DNAJB1: variants seen among roughly 807,000 people sequenced by gnomAD.
The protein encoded by DNAJB1 is DnaJ heat shock protein family (Hsp40) member B1, also known as dnaJ homolog subfamily B member 1.
DNAJB1 carries 14 observed loss-of-function variants against 24.0 expected under a neutral mutation model. The ratio of observed to expected loss-of-function variants is 0.58; its 90% confidence interval spans 0.39 to 0.91. The LOEUF (loss-of-function observed/expected upper bound fraction) is 0.91. DNAJB1 is among the 40% of genes least tolerant of loss of function. DNAJB1 has a pLI of 0.00. For synonymous variants in DNAJB1, 262 were observed against 174.4 expected (o/e 1.50, Z -3.96); for missense variants, 517 against 458.1 (o/e 1.13, Z -1.17).
At chr19:14,555,438 CTT>C (rs747503834) in intron 1 of DNAJB1, among the ~76,000 whole-genome samples, 106 of 92,858 alleles carry the variant, frequency 1.1e-3, no homozygotes, top group African/African-American at 3.6e-3. Context: ...TTTATTTATT[CTT>C]TTTTTTTTTT....
intron 1 of DNAJB1, among the ~76,000 whole-genome samples, chr19:14,559,486 C>G (rs2073840774): frequency 6.6e-6 from 1 of 152,070 alleles, no homozygotes; most frequent in African/African-American, 2.4e-5. Context: ...ATTTAACTTT[C>G]TTACTTAGAA....
chr19:14,527,758 A>C (rs2072458847), exon 2 of DNAJB1: 1 of 152,272 alleles, frequency 6.6e-6, no homozygotes, highest in Admixed American at 6.5e-5. Context: ...CTCTCATGAC[A>C]GGCCTGTGAA....
rs1459727711 is a variant in DNAJB1, at chr19:14,516,144, G to C, written c.819C>G (p.Val273=). The C allele has an allele frequency of 6.2e-7, 1 of 1,613,308 alleles. No individual in the cohort carries two copies. Among genetic ancestry groups the C allele is most frequent in the Non-Finnish European group, 8.5e-7 (1 of 1,179,896 alleles). The stretch of plus-strand genomic sequence containing the variant: ...GTATCGTCCTGCCGTCCAGAGTGGG[G>C]ACGTTCACTGTGCAGCCACACAGAG... ...REALCGCTVN[V]PTLDGRTIPV... The change falls in exon 3 of 3, where the codon GTC becomes GTG. Residue 273 remains valine (V), a synonymous_variant. Coordinates refer to ENST00000254322, the MANE Select transcript of DNAJB1 (RefSeq NM_006145.3).
intron 1 of DNAJB1, chr19:14,527,844 G>A (rs527857411): frequency 2.0e-5 from 3 of 152,208 alleles, no homozygotes; most frequent in Non-Finnish European, 4.4e-5. Flanking sequence ...AGGTGAAGAA[G>A]TGTGCCAGGT....
intron 1 of DNAJB1, among the ~76,000 whole-genome samples, chr19:14,558,781 G>C (rs1299141741): frequency 6.6e-6 from 1 of 152,030 alleles, no homozygotes; most frequent in Non-Finnish European, 1.5e-5. Flanking sequence ...CCTCCGAGTG[G>C]CTCCGTGGGC....
At chr19:14,541,432 G>T (rs898673582) in intron 1 of DNAJB1, among the ~76,000 whole-genome samples, 10 of 152,232 alleles carry the variant, frequency 6.6e-5, no homozygotes, top group Non-Finnish European at 1.2e-4. Flanking sequence ...CAGGTTGTGG[G>T]CAGGTCCTGC....
intron 1 of DNAJB1, chr19:14,517,790 G>C (rs1305551771): frequency 4.6e-6 from 1 of 218,648 alleles, no homozygotes; most frequent in Non-Finnish European, 9.0e-6. Flanking sequence ...CCGAGCCCAG[G>C]TGAGCCCGGG....
chr19:14,521,893 AT>A (rs1219183080), upstream of DNAJB1, among the ~76,000 whole-genome samples: 2 of 151,924 alleles, frequency 1.3e-5, no homozygotes, highest in Non-Finnish European at 2.9e-5. Flanking sequence ...AGGTGCTGGG[AT>A]TACAGGCGTG....
chr19:14,516,381 C>T, intron 2 of DNAJB1, 85 bp downstream of exon 2: 1 of 1,457,282 alleles, frequency 6.9e-7, no homozygotes, highest in Non-Finnish European at 9.4e-7. Context: ...CACCACACAC[C>T]CCAACACATT....
upstream of DNAJB1, among the ~76,000 whole-genome samples, chr19:14,552,565 G>A (rs183342804): frequency 7.0e-6 from 1 of 142,630 alleles, no homozygotes; most frequent in East Asian, 2.1e-4. Context: ...GAGGAGTCTC[G>A]TTCTGTCGCC....
upstream of DNAJB1, among the ~76,000 whole-genome samples, chr19:14,552,289 C>T (rs964107097): frequency 6.6e-6 from 1 of 151,356 alleles, no homozygotes; most frequent in African/African-American, 2.4e-5. Context: ...CCAGTCTGGC[C>T]TCCCAAACTG....
intron 2 of DNAJB1, among the ~76,000 whole-genome samples, chr19:14,525,765 A>G (rs1599387299): frequency 6.6e-6 from 1 of 152,064 alleles, no homozygotes; most frequent in African/African-American, 2.4e-5. Flanking sequence ...CTGTACACTA[A>G]AATGGGTGAA....
intron 1 of DNAJB1, among the ~76,000 whole-genome samples, chr19:14,537,832 G>A (rs1232655758): frequency 7.1e-6 from 1 of 140,032 alleles, no homozygotes; most frequent in African/African-American, 2.7e-5. Context: ...CTGCACCTCC[G>A]CCTCCCGGGT....
chr19:14,538,407 G>A (rs1400648133), intron 1 of DNAJB1, among the ~76,000 whole-genome samples: 1 of 152,184 alleles, frequency 6.6e-6, no homozygotes, highest in African/African-American at 2.4e-5. Context: ...GCGGCCCACA[G>A]GCAGGGTAAA....
rs193278165 is a variant in DNAJB1 at position 14,524,707 on chromosome 19, A to T, written c.-90+3019T>A. 2.4e-3 allele frequency among the ~76,000 whole-genome samples: 368 copies of T among 151,876 alleles called. 1 individual carries two copies. The highest frequency in any genetic ancestry group is 8.3e-3 in the African/African-American group (343 of 41,402). On this transcript the variant is annotated intron_variant, in intron 2 of 3. Transcript: ENST00000396969. ...TTAAAAATGCAAAAATTAGTCAGGCATGGTGGCGTGCACCTGTAATCCCAG... is the reference window on the plus strand; with the variant it reads ...TTAAAAATGCAAAAATTAGTCAGGCTTGGTGGCGTGCACCTGTAATCCCAG...
chr19:14,536,239 C>T lies in DNAJB1; in HGVS notation c.-213-8429G>A, dbSNP rs563958864. Among the ~76,000 whole-genome samples, 18 of 150,724 alleles carry T rather than the reference C, an allele frequency of 1.2e-4. No individual in the cohort carries two copies. The East Asian group carries it at 2.7e-3, about 23-fold the overall frequency. On this transcript the variant is annotated intron_variant, in intron 1 of 3. Transcript: ENST00000676982. ...TGCCACTGACAAGGTTTGGAGCCCA[C>T]GGGCAAGGTCTTTAGTTTCTCGAGC...
intron 1 of DNAJB1, among the ~76,000 whole-genome samples, chr19:14,539,903 G>A (rs1253409162): frequency 1.3e-5 from 2 of 150,790 alleles, no homozygotes; most frequent in South Asian, 2.1e-4. Context: ...TTTCTGAGAC[G>A]GAGTCCTGCC....
At chr19:14,516,272 G>T in intron 2 of DNAJB1, 102 bp from the exon 3 acceptor site, 2 of 1,386,100 alleles carry the variant, frequency 1.4e-6, no homozygotes, top group Non-Finnish European at 2.0e-6. Context: ...GGCCTCTGCA[G>T]CTAAGACCTG....
upstream of DNAJB1, among the ~76,000 whole-genome samples, chr19:14,552,698 C>T (rs2146606122): frequency 6.6e-6 from 1 of 152,152 alleles, no homozygotes; most frequent in East Asian, 1.9e-4. Context: ...CCATGCCCGG[C>T]TAACTTTTTT....
Sources: gnomAD v4.1 joint callset for allele counts (sites outside exome capture counted in the v4.1 genomes callset) on GRCh38, gnomAD v4.1.1 for gene constraint, MANE v1.5 for transcripts, NCBI Gene and HGNC (gene_info 2026-07-23, HGNC 2026-07-21) for gene names.